Variants in STK3 observed in about 807,000 individuals in gnomAD.
STK3 encodes serine/threonine-protein kinase 3.
STK3 carries 41 observed loss-of-function variants against 58.0 expected under a neutral mutation model. That is an observed-to-expected ratio of 0.71 (90% CI 0.55 to 0.92). STK3 has a LOEUF of 0.92. Among genes scored for constraint, STK3 ranks in the 40% least tolerant of loss-of-function variants. The pLI is 0.00. For missense variants in STK3, 479 were observed against 602.7 expected, an observed-to-expected ratio of 0.79 and a Z score of 2.15; for synonymous variants, 170 against 191.0, an observed-to-expected ratio of 0.89 and a Z score of 0.91.
At chr8:98,782,286 G>A (rs1832141790) in intron 1 of STK3, 1 of 175,996 alleles carries the variant, frequency 5.7e-6, no homozygotes, top group Non-Finnish European at 1.2e-5. Context: ...TAAACAAAAA[G>A]GGTACAGCCA....
intron 1 of STK3, chr8:98,905,230 A>G (rs1050764742): frequency 2.3e-6 from 2 of 862,946 alleles, no homozygotes; most frequent in Admixed American, 1.7e-5. Context: ...GCTTGTGGAC[A>G]ACTACACATG....
intron 10 of STK3, among the ~76,000 whole-genome samples, chr8:98,520,836 A>C (rs1262013844): frequency 6.6e-6 from 1 of 152,136 alleles, no homozygotes; most frequent in Non-Finnish European, 1.5e-5. Flanking sequence ...CCTCATTAAC[A>C]GCTGGTATCT....
chr8:98,783,024 GGAGAGAGA>G lies in STK3; in HGVS notation c.27-8213_27-8206del, dbSNP rs34117067. ...CACACAAAGAGAGAAAGAAGGAGAGGGAGAGAGAGAGAGAGAGAGAGAACCAAAATATA... is the reference window on the plus strand; with the variant it reads ...CACACAAAGAGAGAAAGAAGGAGAGGGAGAGAGAGAGAGAACCAAAATATA... On this transcript the variant is annotated intron_variant, in intron 1 of 10. Transcript: ENST00000419617. Among the ~76,000 whole-genome samples the G allele has an allele frequency of 2.2e-5, 3 of 133,982 alleles. No homozygotes were observed. The East Asian group carries it at 6.4e-4, about 28-fold the overall frequency. 87.9% of individuals were successfully genotyped at this position (133,982 alleles called of 152,430 possible). A position where few individuals can be genotyped will look rare whatever the true frequency, so the allele number is the denominator to read the frequency against.
intron 1 of STK3, among the ~76,000 whole-genome samples, chr8:98,784,496 C>T (rs1184127185): frequency 1.3e-5 from 2 of 152,216 alleles, no homozygotes; most frequent in Admixed American, 6.5e-5. Flanking sequence ...GCAGCAGGGC[C>T]CTCTCTGCTC....
At chr8:98,896,952 A>G (rs755830174) in intron 1 of STK3, among the ~76,000 whole-genome samples, 3 of 152,140 alleles carry the variant, frequency 2.0e-5, no homozygotes, top group Non-Finnish European at 4.4e-5. Context: ...GCTCTTCAGC[A>G]TGGGCGACAG....
chr8:98,696,063 T>C (rs1563899725), intron 6 of STK3, among the ~76,000 whole-genome samples: 1 of 152,130 alleles, frequency 6.6e-6, no homozygotes. Context: ...GTAGTTCTCC[T>C]TGAAGAGGTC....
At chr8:98,466,009 A>C (rs543331591) in intron 10 of STK3, among the ~76,000 whole-genome samples, 1 of 152,364 alleles carries the variant, frequency 6.6e-6, no homozygotes, top group Non-Finnish European at 1.5e-5. Context: ...AAATTTAAGT[A>C]ACTCAAAAGC....
chr8:98,418,370 C>T (rs568917305), intron 3 of STK3, among the ~76,000 whole-genome samples: 1 of 152,324 alleles, frequency 6.6e-6, no homozygotes, highest in Admixed American at 6.5e-5. Flanking sequence ...TAGCCTAGAG[C>T]TGGAGAATCT....
intron 6 of STK3, among the ~76,000 whole-genome samples, chr8:98,672,641 T>C (rs1363977067): frequency 6.6e-6 from 1 of 152,242 alleles, no homozygotes; most frequent in Non-Finnish European, 1.5e-5. Context: ...GAAACAATTA[T>C]TTCCCAAAGG....
chr8:98,789,219 A>G (rs1368450142), intron 1 of STK3, among the ~76,000 whole-genome samples: 4 of 152,230 alleles, frequency 2.6e-5, no homozygotes, highest in Non-Finnish European at 4.4e-5. Flanking sequence ...CTGAACAACA[A>G]TAGTGACCCA....
rs139611990 is a variant in STK3 at position 98,550,831 on chromosome 8, C to T, written c.949-2670G>A. On this transcript the variant is annotated intron_variant, in intron 8 of 10. Transcript: ENST00000419617. ...AGGTAAGCAAAATGCCTGCATGCTA[C>T]CTGGAACAAGGTAGTTTCACACCTT... 4.4e-3 allele frequency among the ~76,000 whole-genome samples: 668 copies of T among 152,274 alleles called. 4 individuals are homozygous for T. The highest frequency in any genetic ancestry group is 0.015 in the African/African-American group (636 of 41,566).
the STK3 span, among the ~76,000 whole-genome samples, chr8:98,364,093 G>GT: frequency 1.1e-4 from 16 of 152,300 alleles, no homozygotes; most frequent in East Asian, 3.1e-3. Context: ...GAGGGCCACT[G>GT]TGGGAGGCAG....
chr8:98,409,661 T>C (rs548769402), intron 3 of STK3, among the ~76,000 whole-genome samples: 116 of 152,378 alleles, frequency 7.6e-4, no homozygotes, highest in African/African-American at 2.6e-3. Flanking sequence ...AATTCCAGAT[T>C]CTCTGTCCTG....
At chr8:98,905,131 C>G in intron 1 of STK3, 2 of 1,446,172 alleles carry the variant, frequency 1.4e-6, no homozygotes, top group Non-Finnish European at 1.9e-6. Context: ...CCCGTACGAT[C>G]TACTGGGCAC....
At chr8:98,881,758 C>T (rs901273308), downstream of STK3, 1 of 151,700 alleles carries the variant, frequency 6.6e-6, no homozygotes, top group Non-Finnish European at 1.5e-5. Flanking sequence ...TCAAAATTTC[C>T]CTATGAATTA....
intron 4 of STK3, among the ~76,000 whole-genome samples, chr8:98,728,962 A>G (rs183122049): frequency 2.0e-5 from 3 of 152,330 alleles, no homozygotes; most frequent in East Asian, 3.9e-4. Context: ...GAACATATAC[A>G]TATTTTTAAA....
chr8:98,583,855 G>C (rs543797902), intron 7 of STK3, among the ~76,000 whole-genome samples: 2 of 151,996 alleles, frequency 1.3e-5, no homozygotes, highest in Admixed American at 1.3e-4. Flanking sequence ...ATGTGTGTGT[G>C]TGTGTGTGTG....
At chr8:98,506,668 A>C (rs946037156) in intron 10 of STK3, among the ~76,000 whole-genome samples, 7 of 151,964 alleles carry the variant, frequency 4.6e-5, no homozygotes, top group African/African-American at 1.5e-4. Context: ...CTGAGATTGC[A>C]CCACACTGCA....
chr8:98,359,496 C>T, the STK3 span, among the ~76,000 whole-genome samples: 9 of 148,196 alleles, frequency 6.1e-5, no homozygotes, highest in Admixed American at 4.7e-4. Flanking sequence ...GCACTCCAAC[C>T]TGGGCAACAG....
Sources: allele counts gnomAD v4.1 joint callset (sites outside exome capture counted in the v4.1 genomes callset), GRCh38; gene constraint gnomAD v4.1.1; transcripts MANE v1.5; gene names NCBI Gene and HGNC (gene_info 2026-07-23, HGNC 2026-07-21).